Variants in KANSL1 observed in about 807,000 individuals in gnomAD.
KANSL1 encodes the protein KAT8 regulatory NSL complex subunit 1.
A neutral mutation model predicts 103.6 loss-of-function variants in KANSL1; 22 were observed. The ratio of observed to expected loss-of-function variants is 0.21; its 90% confidence interval spans 0.15 to 0.30. KANSL1 has a LOEUF of 0.30. Among genes scored for constraint, KANSL1 ranks in the 10% least tolerant of loss-of-function variants. The probability of loss-of-function intolerance (pLI) is 1.00; values close to 1 mark genes in which losing one functional copy is unlikely to be tolerated. For synonymous variants in KANSL1, 600 were observed against 527.6 expected (o/e 1.14, Z -1.88); for missense variants, 1,337 against 1,399.8 (o/e 0.96, Z 0.72).
intron 3 of KANSL1, among the ~76,000 whole-genome samples, chr17:46,086,543 T>C (rs1330901065): frequency 1.3e-5 from 2 of 152,250 alleles, no homozygotes; most frequent in South Asian, 2.1e-4. Context: ...AAGTGCTTAT[T>C]ACGTTCTAAT....
intron 2 of KANSL1, among the ~76,000 whole-genome samples, chr17:46,134,872 G>A (rs560916227): frequency 2.9e-4 from 44 of 152,136 alleles, no homozygotes; most frequent in South Asian, 1.2e-3. Context: ...AAGATGGGGC[G>A]GAAGAATAGA....
chr17:46,195,193 CTA>C, upstream of KANSL1, among the ~76,000 whole-genome samples: 1 of 152,152 alleles, frequency 6.6e-6, no homozygotes, highest in Non-Finnish European at 1.5e-5. Flanking sequence ...CTCCTGAAAT[CTA>C]AATTAGCAGA....
chr17:46,128,724 C>CA (rs547674306), intron 2 of KANSL1, among the ~76,000 whole-genome samples: 149 of 152,244 alleles, frequency 9.8e-4, no homozygotes, highest in African/African-American at 3.3e-3. Flanking sequence ...ATGGCTGGAG[C>CA]ACAGAGAGCC....
intron 2 of KANSL1, among the ~76,000 whole-genome samples, chr17:46,135,695 C>CTTT (rs35094789): frequency 2.1e-4 from 18 of 84,420 alleles, no homozygotes; most frequent in East Asian, 5.0e-4. Context: ...CCATGCCTGG[C>CTTT]TTTTTTTTTT....
At chr17:46,216,567 C>G (rs1011486089) in intron 1 of KANSL1, among the ~76,000 whole-genome samples, 1 of 147,868 alleles carries the variant, frequency 6.8e-6, no homozygotes, top group Admixed American at 7.1e-5. Flanking sequence ...CCACTGCACT[C>G]CAGCCTGGGC....
intron 2 of KANSL1, among the ~76,000 whole-genome samples, chr17:46,107,004 G>T (rs1193921965): frequency 6.6e-6 from 1 of 152,192 alleles, no homozygotes; most frequent in African/African-American, 2.4e-5. Flanking sequence ...AGGCAAACTA[G>T]TTAAAGGCCC....
At chr17:46,074,664 G>A (rs1335885795) in intron 4 of KANSL1, among the ~76,000 whole-genome samples, 2 of 152,082 alleles carry the variant, frequency 1.3e-5, no homozygotes, top group African/African-American at 4.8e-5. Context: ...CTACTTGGGA[G>A]GCTGAGAGAT....
intron 2 of KANSL1, among the ~76,000 whole-genome samples, chr17:46,100,463 C>T (rs940330298): frequency 3.7e-5 from 5 of 133,750 alleles, no homozygotes; most frequent in Non-Finnish European, 6.8e-5. Context: ...AAAAAAAAAG[C>T]GCCCTCTATA....
At chr17:46,158,626 C>T (rs2045565780) in intron 2 of KANSL1, among the ~76,000 whole-genome samples, 1 of 152,208 alleles carries the variant, frequency 6.6e-6, no homozygotes. Flanking sequence ...CTGTAACCTC[C>T]ACCACCTGGG....
chr17:46,048,855 A>C (rs1199678126), intron 7 of KANSL1, among the ~76,000 whole-genome samples: 1 of 152,188 alleles, frequency 6.6e-6, no homozygotes, highest in Non-Finnish European at 1.5e-5. Flanking sequence ...TTGGCATGTA[A>C]ATATATTTAG....
intron 5 of KANSL1, among the ~76,000 whole-genome samples, chr17:46,067,178 T>C (rs180984300): frequency 2.0e-5 from 3 of 152,310 alleles, no homozygotes; most frequent in Non-Finnish European, 4.4e-5. Flanking sequence ...CCTGAATCTT[T>C]TGTTTTCTCC....
intron 1 of KANSL1, among the ~76,000 whole-genome samples, chr17:46,182,753 G>A (rs2046849470): frequency 6.6e-6 from 1 of 152,214 alleles, no homozygotes; most frequent in Non-Finnish European, 1.5e-5. Flanking sequence ...AAGAAGTTAA[G>A]TAATTTGCCC....
At chr17:46,176,580 A>G (rs1276169304) in intron 1 of KANSL1, among the ~76,000 whole-genome samples, 2 of 152,134 alleles carry the variant, frequency 1.3e-5, no homozygotes, top group African/African-American at 4.8e-5. Context: ...AATCCCAGCT[A>G]CCTGGGAGGC....
chr17:46,141,311 A>C (rs1367388831), intron 2 of KANSL1, among the ~76,000 whole-genome samples: 1 of 152,234 alleles, frequency 6.6e-6, no homozygotes. Context: ...CCCACAGAGC[A>C]AAATCCACAC....
chr17:46,200,677 G>A (rs536185128), intron 1 of KANSL1, among the ~76,000 whole-genome samples: 12 of 152,298 alleles, frequency 7.9e-5, no homozygotes, highest in African/African-American at 2.9e-4. Context: ...GGGAGGCGGA[G>A]CTTGCAGCGA....
At chr17:46,140,127 C>T (rs918346326) in intron 2 of KANSL1, among the ~76,000 whole-genome samples, 1 of 152,154 alleles carries the variant, frequency 6.6e-6, no homozygotes, top group Admixed American at 6.5e-5. Context: ...CACATATACA[C>T]ATACACATAC....
upstream of KANSL1, among the ~76,000 whole-genome samples, chr17:46,194,063 GA>G (rs1277826563): frequency 2.1e-4 from 32 of 152,226 alleles, no homozygotes; most frequent in African/African-American, 7.0e-4. Context: ...GCGGGGTGGG[GA>G]GGGTGCACGT....
chr17:46,157,402 T>C (rs1597829488), intron 2 of KANSL1, among the ~76,000 whole-genome samples: 1 of 152,220 alleles, frequency 6.6e-6, no homozygotes, highest in South Asian at 2.1e-4. Flanking sequence ...AGTAATACCA[T>C]CAGTAAACCA....
chr17:46,076,160 AGAGT>A (rs756607329), intron 4 of KANSL1, among the ~76,000 whole-genome samples: 33 of 152,350 alleles, frequency 2.2e-4, no homozygotes, highest in Admixed American at 1.2e-3. Context: ...TAGTAGGAGG[AGAGT>A]GTGACTCCTC....
Sources: allele counts gnomAD v4.1 joint callset (sites outside exome capture counted in the v4.1 genomes callset), GRCh38; gene constraint gnomAD v4.1.1; transcripts MANE v1.5; gene names NCBI Gene and HGNC (gene_info 2026-07-23, HGNC 2026-07-21).